The following UBXN4 variants were observed in gnomAD, a reference collection of about 807,000 sequenced individuals.
The protein encoded by UBXN4 is UBX domain protein 4.
A neutral mutation model predicts 66.2 loss-of-function variants in UBXN4; 35 were observed. The ratio of observed to expected loss-of-function variants is 0.53; its 90% CI spans 0.40 to 0.70. UBXN4 has a LOEUF of 0.70. Among genes scored for constraint, UBXN4 ranks in the 30% least tolerant of loss-of-function variants. The pLI, the probability that UBXN4 is intolerant of heterozygous loss-of-function variation, is 0.00. For missense variants in UBXN4, 533 were observed against 599.8 expected, an observed-to-expected ratio of 0.89 and a Z score of 1.16; for synonymous variants, 203 against 204.5, an observed-to-expected ratio of 0.99 and a Z score of 0.06.
chr2:135,780,467 C>A, intron 12 of UBXN4, 82 bp downstream of exon 12: 2 of 1,380,648 alleles, frequency 1.4e-6, no homozygotes, highest in Non-Finnish European at 2.0e-6. Context: ...GAGTACTTTG[C>A]CTTTCTGTAT....
chr2:135,782,645 A>C (rs2077457166), intron 12 of UBXN4, 104 bp from the exon 13 acceptor site: 1 of 1,387,234 alleles, frequency 7.2e-7, no homozygotes, highest in Non-Finnish European at 9.9e-7. Context: ...ATGGCATTAA[A>C]AGTAAAACTT....
chr2:135,774,658 A>C lies in UBXN4; in HGVS notation c.951-1591A>C, dbSNP rs75263341. On this transcript the variant is annotated intron_variant, in intron 9 of 12. Coordinates refer to ENST00000272638, the MANE Select transcript of UBXN4 (RefSeq NM_014607.4). ...CCAGGAGTTCAAAACCAGCCTCGCCAACGTGGCAAAAAACCGTCCCTACTA... is the reference window on the plus strand; with the variant it reads ...CCAGGAGTTCAAAACCAGCCTCGCCCACGTGGCAAAAAACCGTCCCTACTA... Among the ~76,000 whole-genome samples the C allele has an allele frequency of 3.3e-5, 5 of 152,174 alleles. No homozygotes were observed. The East Asian group carries it at 9.6e-4, about 29-fold the overall frequency.
At chr2:135,743,014 C>T (rs758167463) in intron 1 of UBXN4, among the ~76,000 whole-genome samples, 2 of 152,162 alleles carry the variant, frequency 1.3e-5, no homozygotes, top group African/African-American at 4.8e-5. Context: ...CCTGCCTCTA[C>T]GGTTCTGCTC....
rs1013174593 is a variant in UBXN4 at position 135,784,709 on chromosome 2, T to G, written c.*1822T>G. ...AGCTGTCAAATAGGTGTGACCCTAC[T>G]AATAATTATTAGAAATACATTTAAA... is the stretch of plus-strand genomic sequence containing the variant. On this transcript the variant is annotated 3_prime_UTR_variant, in exon 13 of 13. Transcript: ENST00000272638. 6.6e-6 allele frequency: 1 copy of G among 152,654 alleles called. No individual in the cohort carries two copies. Among genetic ancestry groups the G allele is most frequent in the East Asian group, 1.9e-4 (1 of 5,204 alleles). The allele number at this position is 152,654 out of a possible 1,614,324, so 9.5% of individuals were successfully genotyped here.
At chr2:135,758,957 C>T (rs2077295340) in intron 5 of UBXN4, among the ~76,000 whole-genome samples, 1 of 152,144 alleles carries the variant, frequency 6.6e-6, no homozygotes. Context: ...CGGGGTTTCA[C>T]CATGTTGGCC....
intron 1 of UBXN4, among the ~76,000 whole-genome samples, chr2:135,744,573 C>A (rs2077195548): frequency 6.6e-6 from 1 of 152,050 alleles, no homozygotes; most frequent in Admixed American, 6.5e-5. Flanking sequence ...CCATTTTCTG[C>A]CTTTTTTGGT....
rs973268610 is a variant in UBXN4 at position 135,757,966 on chromosome 2, A to G, written c.508+2275A>G. On this transcript the variant is annotated intron_variant, in intron 5 of 12. Coordinates refer to ENST00000272638, the MANE Select transcript of UBXN4 (RefSeq NM_014607.4). ...GGCTCTGTCACCCAGGCTGGAGTGCAGTGGCACAAACATAGCTCACTATAA... is the reference window on the plus strand; with the variant it reads ...GGCTCTGTCACCCAGGCTGGAGTGCGGTGGCACAAACATAGCTCACTATAA... Among the ~76,000 whole-genome samples, 5 of 152,048 alleles carry G rather than the reference A, an allele frequency of 3.3e-5. No homozygotes were observed. The East Asian group carries it at 9.6e-4, about 29-fold the overall frequency.
intron 2 of UBXN4, among the ~76,000 whole-genome samples, chr2:135,752,057 C>CTT (rs11412755): frequency 1.2e-4 from 18 of 151,602 alleles, no homozygotes; most frequent in East Asian, 9.7e-4. Flanking sequence ...TTTTTCTTTT[C>CTT]TTTTTTTTGA....
intron 2 of UBXN4, 64 bp from the exon 3 acceptor site, chr2:135,753,475 A>C: frequency 7.0e-7 from 1 of 1,419,346 alleles, no homozygotes; most frequent in Non-Finnish European, 9.3e-7. Context: ...ATTTTATTAA[A>C]ACAACTCAGT....
chr2:135,761,294 A>T (rs1451527439), intron 5 of UBXN4, among the ~76,000 whole-genome samples: 1 of 152,250 alleles, frequency 6.6e-6, no homozygotes, highest in Non-Finnish European at 1.5e-5. Context: ...CACTCTGGTC[A>T]GCAGAAGCAG....
rs1189640893 is a variant in UBXN4, at chr2:135,747,859, G to C, written c.83-408G>C. On this transcript the variant is annotated intron_variant, in intron 1 of 12. Transcript: ENST00000272638. ...TGGTCTCGAATTCCTGGCCTCAGGT[G>C]ATCTACCCGCCTCAGCCTCCCAAAG... 5 of 350,450 alleles carry C rather than the reference G, an allele frequency of 1.4e-5. No individual in the cohort carries two copies. The East Asian group carries it at 3.9e-4, about 27-fold the overall frequency. 21.7% of individuals were successfully genotyped at this position (350,450 alleles called of 1,614,324 possible).
intron 8 of UBXN4, among the ~76,000 whole-genome samples, chr2:135,771,520 T>G (rs540438549): frequency 1.3e-5 from 2 of 152,226 alleles, no homozygotes; most frequent in East Asian, 3.9e-4. Flanking sequence ...TACCTTAATA[T>G]TTTTGTTCAT....
intron 11 of UBXN4, among the ~76,000 whole-genome samples, chr2:135,779,613 CAGTT>C (rs1029393986): frequency 5.3e-5 from 8 of 151,990 alleles, no homozygotes; most frequent in African/African-American, 1.9e-4. Context: ...CACCCCAAAA[CAGTT>C]AGCTCTCCAG....
chr2:135,780,367 C>G lies in UBXN4; in HGVS notation c.1370C>G (p.Ser457Cys). 1 of 1,614,070 alleles carries G rather than the reference C, an allele frequency of 6.2e-7. No individual in the cohort carries two copies. Among genetic ancestry groups the G allele is most frequent in the Non-Finnish European group, 8.5e-7 (1 of 1,179,942 alleles). The change falls in exon 12 of 13, where the codon TCT becomes TGT. Residue 457 changes from serine to cysteine, a missense_variant. Around this residue, in one of 2 missense-constraint regions of UBXN4, gnomAD observed 529 missense variants for 580.1 expected, o/e 0.91. Transcript: ENST00000272638. ...TSSEPPNPAS[S>C]SKSEKREPVR... ...TCAGAACCCCCAAACCCTGCATCAT[C>G]TAGCAAATCAGAAAAAAGGTATCTG...
chr2:135,754,132 AT>A (rs775792763), intron 3 of UBXN4, 26 bp from the exon 4 acceptor site: 50 of 1,512,548 alleles, frequency 3.3e-5, no homozygotes, highest in Non-Finnish European at 4.3e-5. Flanking sequence ...TTTCACATGA[AT>A]TGTTAGACTT....
intron 1 of UBXN4, among the ~76,000 whole-genome samples, chr2:135,745,653 C>T (rs531448279): frequency 1.2e-4 from 18 of 152,090 alleles, no homozygotes; most frequent in East Asian, 9.7e-4. Context: ...GAGAAGGGTT[C>T]GTAGTAAGAA....
In UBXN4 at chr2:135,778,180, A is replaced by C. The variant is rs144493980; in HGVS notation, c.1054-768A>C. On this transcript the variant is annotated intron_variant, in intron 10 of 12. Coordinates refer to ENST00000272638, the MANE Select transcript of UBXN4 (RefSeq NM_014607.4). ...CGACAGAGCAAGACTGTCTCAAAAA[A>C]AAAAAAAACAAAAAAAAACCCAAAA... Among the ~76,000 whole-genome samples the C allele has an allele frequency of 1.8e-4, 27 of 150,910 alleles. 1 individual carries two copies. The East Asian group carries it at 5.2e-3, about 29-fold the overall frequency.
intron 5 of UBXN4, among the ~76,000 whole-genome samples, chr2:135,757,716 A>G (rs553416368): frequency 6.6e-6 from 1 of 152,264 alleles, no homozygotes; most frequent in African/African-American, 2.4e-5. Context: ...GCTAGACTAA[A>G]ACTGCAAGCT....
At chr2:135,747,766 G>A (rs1419574527) in intron 1 of UBXN4, 2 of 445,232 alleles carry the variant, frequency 4.5e-6, no homozygotes, top group South Asian at 3.2e-5. Flanking sequence ...TCCTATGTAG[G>A]TGGGATTACA....
Sources: gnomAD v4.1 joint callset for allele counts (sites outside exome capture counted in the v4.1 genomes callset) on GRCh38, gnomAD v4.1.1 for gene constraint, gnomAD v4.1.1 regional missense constraint, MANE v1.5 for transcripts, NCBI Gene and HGNC (gene_info 2026-07-23, HGNC 2026-07-21) for gene names.